Variants in DARS1 observed in about 807,000 individuals in gnomAD.
DARS1 encodes the protein aspartyl-tRNA synthetase 1.
A neutral mutation model predicts 68.8 loss-of-function variants in DARS1; 51 were observed. That is an observed-to-expected ratio of 0.74 (90% CI 0.59 to 0.94). The LOEUF is 0.94. Among genes scored for constraint, DARS1 ranks in the 40% least tolerant of loss-of-function variants. The probability of loss-of-function intolerance (pLI) is 0.00; values close to 1 mark genes in which losing one functional copy is unlikely to be tolerated. For missense variants in DARS1, 607 were observed against 597.3 expected (o/e 1.02, Z -0.17); for synonymous variants, 203 against 190.4 (o/e 1.07, Z -0.55).
intron 1 of DARS1, among the ~76,000 whole-genome samples, chr2:135,984,715 A>G (rs1172703071): frequency 1.3e-5 from 2 of 152,214 alleles, no homozygotes; most frequent in Admixed American, 6.5e-5. Flanking sequence ...AGGGAGCCAG[A>G]CGGAAATTAA....
In DARS1 at chr2:135,985,516, C is replaced by CGTAAG. The variant is rs1023942533; in HGVS notation, c.-53_-49dup. On this transcript the variant is annotated 5_prime_UTR_variant, in exon 1 of 16. Transcript: ENST00000264161. The stretch of plus-strand genomic sequence containing the variant: ...GACACCACCCTCCCTCGCAGGCTTC[C>CGTAAG]GTAAGGCAGGCCAAAGGGGCTTCTC... The CGTAAG allele has an allele frequency of 3.7e-6, 6 of 1,613,628 alleles. No homozygotes were observed. Among genetic ancestry groups the CGTAAG allele is most frequent in the Non-Finnish European group, 5.1e-6 (6 of 1,179,862 alleles).
chr2:135,931,464 G>A (rs1213968161), intron 7 of DARS1, among the ~76,000 whole-genome samples: 2 of 152,090 alleles, frequency 1.3e-5, no homozygotes, highest in Non-Finnish European at 2.9e-5. Context: ...TTTTAAACTC[G>A]TGTGCTCAAG....
chr2:135,956,196 G>A (rs1231622894), intron 4 of DARS1, among the ~76,000 whole-genome samples: 2 of 152,100 alleles, frequency 1.3e-5, no homozygotes, highest in Admixed American at 6.5e-5. Context: ...TACTTAAAGT[G>A]GTAAAAACAA....
At chr2:135,957,060 C>T (rs970040407) in intron 4 of DARS1, among the ~76,000 whole-genome samples, 1 of 151,988 alleles carries the variant, frequency 6.6e-6, no homozygotes, top group Non-Finnish European at 1.5e-5. Flanking sequence ...CAACCGCGCC[C>T]GGCCTGTGAT....
intron 7 of DARS1, among the ~76,000 whole-genome samples, chr2:135,925,016 G>C (rs1028763331): frequency 3.3e-5 from 5 of 152,108 alleles, no homozygotes; most frequent in African/African-American, 1.2e-4. Flanking sequence ...TACAATAAAA[G>C]GGGTAGGCAT....
At chr2:135,967,072 T>A (rs1310095212) in intron 3 of DARS1, among the ~76,000 whole-genome samples, 1 of 152,212 alleles carries the variant, frequency 6.6e-6, no homozygotes, top group Non-Finnish European at 1.5e-5. Context: ...TAGGCCTTCA[T>A]GGGAGAACCA....
chr2:135,925,874 A>G lies in DARS1; in HGVS notation c.565-1376T>C, dbSNP rs565741413. ...CACTGTTACTGACAAATGTACAGAG[A>G]TGTATTTCACTTAGAATATATTCTA... is the stretch of plus-strand genomic sequence containing the variant. On this transcript the variant is annotated intron_variant, in intron 7 of 15. Coordinates refer to ENST00000264161, the MANE Select transcript of DARS1 (RefSeq NM_001349.4). Among the ~76,000 whole-genome samples, 12 of 152,346 alleles carry G rather than the reference A, an allele frequency of 7.9e-5. No homozygotes were observed. In the East Asian group the frequency reaches 1.3e-3, roughly 17 times the overall value.
intron 15 of DARS1, 45 bp downstream of exon 15, chr2:135,911,094 A>C: frequency 2.4e-6 from 2 of 835,704 alleles, no homozygotes; most frequent in Non-Finnish European, 2.0e-6. Context: ...TTTGTATTAT[A>C]CTTAGAACTT....
intron 4 of DARS1, among the ~76,000 whole-genome samples, chr2:135,955,948 C>G (rs1362705775): frequency 6.6e-6 from 1 of 152,040 alleles, no homozygotes; most frequent in African/African-American, 2.4e-5. Context: ...TGTGAGCCAC[C>G]ACGCCCAGCC....
chr2:135,985,273 A>C (rs1288780965), intron 1 of DARS1, 130 bp downstream of exon 1: 33 of 1,408,132 alleles, frequency 2.3e-5, no homozygotes, highest in Non-Finnish European at 3.0e-5. Context: ...AGGCGCCCGG[A>C]CCCCACGCCC....
chr2:135,924,261 T>C (rs976257281), intron 8 of DARS1, 126 bp downstream of exon 8: 10 of 1,028,884 alleles, frequency 9.7e-6, no homozygotes, highest in African/African-American at 1.7e-5. Flanking sequence ...TTCAAAATAG[T>C]AGTCTCATGG....
chr2:135,958,499 C>A (rs1313235638), intron 4 of DARS1, among the ~76,000 whole-genome samples: 1 of 152,128 alleles, frequency 6.6e-6, no homozygotes, highest in African/African-American at 2.4e-5. Context: ...CTAAAAAGTT[C>A]TTGCCGAAGT....
chr2:135,985,476 C>T lies in DARS1; in HGVS notation c.-8G>A. 1 of 1,613,986 alleles carries T rather than the reference C, an allele frequency of 6.2e-7. No individual in the cohort carries two copies. Among genetic ancestry groups the T allele is most frequent in the Non-Finnish European group, 8.5e-7 (1 of 1,179,946 alleles). ...GGCGCTGGCGCTGGGCATCGGGACA[C>T]GGAACTGGGCAGTGGACACCACCCT... On this transcript the variant is annotated 5_prime_UTR_variant, in exon 1 of 16. In the 5' UTR this introduces an upstream ATG that the reference lacks. Transcript: ENST00000264161.
At chr2:135,940,030 A>G (rs1455868721) in intron 5 of DARS1, among the ~76,000 whole-genome samples, 1 of 152,156 alleles carries the variant, frequency 6.6e-6, no homozygotes, top group African/African-American at 2.4e-5. Context: ...CCTACCAACC[A>G]AAAAAAGTCC....
At chr2:135,954,690 ATT>A (rs1221212091) in intron 4 of DARS1, among the ~76,000 whole-genome samples, 1 of 152,236 alleles carries the variant, frequency 6.6e-6, no homozygotes, top group Non-Finnish European at 1.5e-5. Context: ...TTAATTTCAG[ATT>A]AAGCTTCTTA....
intron 3 of DARS1, among the ~76,000 whole-genome samples, chr2:135,977,902 G>A (rs1469221633): frequency 6.6e-6 from 1 of 151,976 alleles, no homozygotes; most frequent in African/African-American, 2.4e-5. Context: ...CAGCACTTTG[G>A]GAGGCCAAGG....
intron 5 of DARS1, among the ~76,000 whole-genome samples, chr2:135,939,514 G>A (rs1165033840): frequency 1.3e-5 from 2 of 152,206 alleles, no homozygotes; most frequent in East Asian, 1.9e-4. Context: ...AAAGCAGTGT[G>A]TAGAGGGAAA....
chr2:135,965,062 A>G (rs922809224), intron 3 of DARS1, among the ~76,000 whole-genome samples: 1 of 152,112 alleles, frequency 6.6e-6, no homozygotes, highest in Non-Finnish European at 1.5e-5. Context: ...AACCAGATCA[A>G]TAGAACATAA....
At chr2:135,953,330 C>T (rs1681890339) in intron 4 of DARS1, among the ~76,000 whole-genome samples, 1 of 152,162 alleles carries the variant, frequency 6.6e-6, no homozygotes, top group African/African-American at 2.4e-5. Flanking sequence ...CAGCCAAATC[C>T]TTTCTATTCT....
Sources: allele counts gnomAD v4.1 joint callset (sites outside exome capture counted in the v4.1 genomes callset), GRCh38; gene constraint gnomAD v4.1.1; transcripts MANE v1.5; gene names NCBI Gene and HGNC (gene_info 2026-07-23, HGNC 2026-07-21).